Variants in RALGAPB observed in about 807,000 individuals in gnomAD.
RALGAPB encodes Ral GTPase activating protein non-catalytic subunit beta.
RALGAPB carries 25 observed loss-of-function variants against 161.1 expected under a neutral mutation model. That is an observed-to-expected ratio of 0.16 (90% CI 0.11 to 0.22). The LOEUF is 0.22. Among genes scored for constraint, RALGAPB ranks in the 10% least tolerant of loss-of-function variants. The probability of loss-of-function intolerance (pLI) is 1.00; values close to 1 mark genes in which losing one functional copy is unlikely to be tolerated. For missense variants in RALGAPB, 1,391 were observed against 1,815.2 expected, an observed-to-expected ratio of 0.77 and a Z score of 4.25; for synonymous variants, 629 against 626.1, an observed-to-expected ratio of 1.00 and a Z score of -0.07.
intron 5 of RALGAPB, 39 bp downstream of exon 5, chr20:38,499,672 T>A (rs777598051): frequency 2.6e-6 from 4 of 1,566,612 alleles, no homozygotes; most frequent in Non-Finnish European, 2.6e-6. Flanking sequence ...TTCACCTGTC[T>A]GACCTTAGGC....
At chr20:38,567,333 A>G (rs1341291796) in intron 26 of RALGAPB, 101 bp downstream of exon 26, 11 of 1,436,850 alleles carry the variant, frequency 7.7e-6, no homozygotes, top group Non-Finnish European at 1.0e-5. Flanking sequence ...TATTTATATC[A>G]GAGTACTGAT....
At chr20:38,495,957 C>A (rs1393048101) in intron 3 of RALGAPB, among the ~76,000 whole-genome samples, 2 of 152,030 alleles carry the variant, frequency 1.3e-5, no homozygotes, top group East Asian at 1.9e-4. Context: ...AGTCCCAGGG[C>A]CATTAGTGGT....
chr20:38,573,924 A>G (rs557483293), intron 28 of RALGAPB: 1 of 336,786 alleles, frequency 3.0e-6, no homozygotes, highest in East Asian at 4.7e-5. Context: ...TAGCTTAGAA[A>G]GCTTGACCCA....
At position 38,499,538 on chromosome 20, in the gene RALGAPB, T is replaced by C. The variant is rs767045879; in HGVS notation, c.645T>C (p.Pro215=). The C allele has an allele frequency of 6.2e-7, 1 of 1,614,056 alleles. No individual in the cohort carries two copies. The highest frequency in any genetic ancestry group is 1.7e-5 in the Admixed American group (1 of 60,002). The change falls in exon 5 of 30, where the codon CCT becomes CCC. Residue 215 remains proline, a synonymous_variant. Coordinates refer to ENST00000262879, the MANE Select transcript of RALGAPB (RefSeq NM_020336.4). ...LACTRCFPTP[P]YWKTAKEMVA... ...GTACTCGGTGCTTCCCAACACCTCC[T>C]TATTGGAAAACAGCCAAGGAGATGG...
chr20:38,521,781 G>C, intron 10 of RALGAPB, 83 bp downstream of exon 10: 1 of 1,404,574 alleles, frequency 7.1e-7, no homozygotes, highest in Middle Eastern at 2.4e-4. Flanking sequence ...ACCGATGAGT[G>C]ATGTTGGTCT....
chr20:38,516,169 A>T, intron 6 of RALGAPB, 23 bp from the exon 7 acceptor site: 1 of 1,521,340 alleles, frequency 6.6e-7, no homozygotes, highest in Non-Finnish European at 8.9e-7. Context: ...ATTTGTGATT[A>T]ATTCTTTCCT....
At chr20:38,523,145 C>T (rs1016769921) in intron 10 of RALGAPB, among the ~76,000 whole-genome samples, 1 of 151,578 alleles carries the variant, frequency 6.6e-6, no homozygotes, top group Non-Finnish European at 1.5e-5. Context: ...CAGAGTGAGA[C>T]TCCGTCTCAA....
intron 21 of RALGAPB, 118 bp from the exon 22 acceptor site, chr20:38,553,749 C>T (rs1222293127): frequency 1.3e-6 from 1 of 774,522 alleles, no homozygotes; most frequent in Non-Finnish European, 1.9e-6. Context: ...GAGTTCAAGA[C>T]CAGCTTGGTC....
chr20:38,525,826 C>A, intron 12 of RALGAPB, 69 bp from the exon 13 acceptor site: 1 of 1,486,598 alleles, frequency 6.7e-7, no homozygotes, highest in Admixed American at 1.8e-5. Context: ...GTTCCTCCAT[C>A]TAGCTGTTCC....
At chr20:38,563,485 G>A (rs530222824) in intron 24 of RALGAPB, among the ~76,000 whole-genome samples, 103 of 152,238 alleles carry the variant, frequency 6.8e-4, no homozygotes, top group Non-Finnish European at 9.3e-4. Flanking sequence ...GCCCATCCCC[G>A]CAGATCCTCT....
At chr20:38,497,288 C>T (rs1446639817) in intron 3 of RALGAPB, 65 bp from the exon 4 acceptor site, 1 of 1,478,490 alleles carries the variant, frequency 6.8e-7, no homozygotes, top group South Asian at 1.2e-5. Flanking sequence ...CCATAAGTCA[C>T]CTGTCCTGAA....
Position 38,562,652 on chromosome 20 carries a change from A to T in RALGAPB, c.3652A>T (p.Ser1218Cys). The change falls in exon 24 of 30, where the codon AGT becomes TGT. Residue 1218 changes from serine to cysteine, a missense_variant. Around this residue, in one of 3 missense-constraint regions of RALGAPB, gnomAD observed 436 missense variants for 527.0 expected, o/e 0.83. Coordinates refer to ENST00000262879, the MANE Select transcript of RALGAPB (RefSeq NM_020336.4). Reference protein sequence around the residue: ...HPGWTGHVSTSWSINCCDDGE... With the variant: ...HPGWTGHVSTCWSINCCDDGE... The stretch of plus-strand genomic sequence containing the variant: ...TGGTTGGACTGGGCATGTTTCTACC[A>T]GTTGGTCTATTAATTGTTGTGATGA... 1 of 1,613,736 alleles carries T rather than the reference A, an allele frequency of 6.2e-7. No homozygotes were observed. Among genetic ancestry groups the T allele is most frequent in the Non-Finnish European group, 8.5e-7 (1 of 1,179,856 alleles).
Position 38,517,573 on chromosome 20 carries a change from T to C in RALGAPB, c.1119T>C (p.Ser373=). The change falls in exon 8 of 30, where the codon AGT becomes AGC. Residue 373 remains serine (S), a synonymous_variant. Transcript: ENST00000262879. ...TPVNRLSMPQ[S]AAVSTTPPHN... is the part of the protein sequence containing the mutation. Reference sequence around the variant, plus strand: ...TGAATAGATTAAGTATGCCTCAAAGTGCTGCTGTCAGTACCACCCCCCCAC... The same window carrying C: ...TGAATAGATTAAGTATGCCTCAAAGCGCTGCTGTCAGTACCACCCCCCCAC... 2 of 1,613,788 alleles carry C rather than the reference T, an allele frequency of 1.2e-6. No homozygotes were observed. The highest frequency in any genetic ancestry group is 1.7e-6 in the Non-Finnish European group (2 of 1,179,898).
intron 2 of RALGAPB, among the ~76,000 whole-genome samples, chr20:38,488,837 G>GT (rs1308344348): frequency 6.6e-6 from 1 of 152,182 alleles, no homozygotes; most frequent in African/African-American, 2.4e-5. Flanking sequence ...GTTATAAGGA[G>GT]TGAGTTGTAC....
chr20:38,508,046 CTTAG>C (rs1167756412), intron 5 of RALGAPB, among the ~76,000 whole-genome samples: 2 of 151,486 alleles, frequency 1.3e-5, no homozygotes, highest in African/African-American at 2.4e-5. Context: ...ACTATTATAA[CTTAG>C]TTATATGGCA....
rs2086430953 is a variant in RALGAPB, at chr20:38,525,448, G to A, written c.1832G>A (p.Arg611Gln). 6.2e-7 allele frequency: 1 copy of A among 1,603,000 alleles called. No homozygotes were observed. The highest frequency in any genetic ancestry group is 8.5e-7 in the Non-Finnish European group (1 of 1,177,166). The change falls in exon 12 of 30, where the codon CGA (arginine) becomes CAA (glutamine). Residue 611 changes from arginine to glutamine, a missense_variant. Coordinates refer to ENST00000262879, the MANE Select transcript of RALGAPB (RefSeq NM_020336.4). ...AGCTATGTAAATCCAACAGAATTGC[G>A]AAGATCCTCCATTAATATCCTGCTT... ...FKSYVNPTEL[R>Q]RSSINILLSL...
chr20:38,525,545 A>G (rs746960441), intron 12 of RALGAPB, 27 bp downstream of exon 12: 2 of 1,473,936 alleles, frequency 1.4e-6, no homozygotes, highest in Admixed American at 1.7e-5. Flanking sequence ...GTTTTTTTAT[A>G]TCCTATATTC....
intron 2 of RALGAPB, 74 bp from the exon 3 acceptor site, chr20:38,492,856 A>T (rs2085317980): frequency 1.6e-6 from 2 of 1,246,054 alleles, no homozygotes; most frequent in Admixed American, 4.0e-5. Flanking sequence ...GCAATAAAAG[A>T]GATTGACATT....
In RALGAPB at chr20:38,577,905, C is replaced by G. The variant is rs992877873; in HGVS notation, c.*2938C>G. On this transcript the variant is annotated 3_prime_UTR_variant, in exon 30 of 30. Transcript: ENST00000262879. The stretch of plus-strand genomic sequence containing the variant: ...CATGAACGGTTACCTTCTCCATACA[C>G]TAGGGAAGCATTTGTCAGACTCTGC... 6.6e-6 allele frequency: 1 copy of G among 152,156 alleles called. No homozygotes were observed. The highest frequency in any genetic ancestry group is 1.5e-5 in the Non-Finnish European group (1 of 68,040). The allele number at this position is 152,156 out of a possible 1,614,324, so 9.4% of individuals were successfully genotyped here.
Sources: gnomAD v4.1 joint callset for allele counts (sites outside exome capture counted in the v4.1 genomes callset) on GRCh38, gnomAD v4.1.1 for gene constraint, gnomAD v4.1.1 regional missense constraint, MANE v1.5 for transcripts, NCBI Gene and HGNC (gene_info 2026-07-23, HGNC 2026-07-21) for gene names.